CPEB3: variants seen among roughly 807,000 people sequenced by gnomAD.
CPEB3 encodes cytoplasmic polyadenylation element binding protein 3.
Under a neutral mutation model 67.2 loss-of-function variants are expected in CPEB3, and 20 were observed. That is an observed-to-expected ratio of 0.30 (90% CI 0.21 to 0.43). The LOEUF is 0.43. CPEB3 is among the 20% of genes least tolerant of loss of function. The pLI is 1.00. For synonymous variants in CPEB3, 376 were observed against 393.1 expected (o/e 0.96, Z 0.51); for missense variants, 746 against 968.6 (o/e 0.77, Z 3.05).
chr10:92,053,623 G>C (rs1467751357), intron 9 of CPEB3, among the ~76,000 whole-genome samples: 1 of 148,894 alleles, frequency 6.7e-6, no homozygotes, highest in Non-Finnish European at 1.5e-5. Context: ...CTCACTGCAA[G>C]CTCCGCCTCC....
chr10:92,178,207 G>A (rs1038223260), intron 4 of CPEB3, among the ~76,000 whole-genome samples: 9 of 150,110 alleles, frequency 6.0e-5, no homozygotes, highest in African/African-American at 2.2e-4. Context: ...CACCCGGGCT[G>A]GAGTGCAGTG....
chr10:92,203,988 A>G (rs923185443), intron 2 of CPEB3, among the ~76,000 whole-genome samples: 3 of 152,118 alleles, frequency 2.0e-5, no homozygotes, highest in Non-Finnish European at 4.4e-5. Context: ...ACCCACAAAC[A>G]GCATCTTCTC....
intron 2 of CPEB3, among the ~76,000 whole-genome samples, chr10:92,200,255 G>A (rs1470774834): frequency 6.6e-6 from 1 of 151,940 alleles, no homozygotes; most frequent in Non-Finnish European, 1.5e-5. Context: ...ATAAGATTAG[G>A]GCATACAGGC....
chr10:92,081,782 A>AT (rs1253668664), intron 8 of CPEB3, among the ~76,000 whole-genome samples: 2 of 152,214 alleles, frequency 1.3e-5, no homozygotes, highest in Non-Finnish European at 2.9e-5. Flanking sequence ...ATGAACTACC[A>AT]GTAATCCTGT....
chr10:92,121,582 G>T (rs1845389915), intron 6 of CPEB3, among the ~76,000 whole-genome samples: 1 of 150,826 alleles, frequency 6.6e-6, no homozygotes, highest in Admixed American at 6.6e-5. Context: ...TCTAAAAAGA[G>T]ATGTGTATTT....
intron 9 of CPEB3, among the ~76,000 whole-genome samples, chr10:92,053,790 C>T (rs1842009250): frequency 6.6e-6 from 1 of 152,190 alleles, no homozygotes. Context: ...ATCCACCCGC[C>T]TCGGCCTCCC....
intron 7 of CPEB3, among the ~76,000 whole-genome samples, chr10:92,107,972 C>T (rs974857069): frequency 6.6e-6 from 1 of 152,066 alleles, no homozygotes; most frequent in African/African-American, 2.4e-5. Context: ...TTAAAAAAAG[C>T]AAGTATGATC....
chr10:92,056,689 T>C (rs1188653902), intron 9 of CPEB3, among the ~76,000 whole-genome samples: 2 of 152,162 alleles, frequency 1.3e-5, no homozygotes, highest in African/African-American at 2.4e-5. Context: ...TGAGTCCTAG[T>C]GCTGAACTAG....
rs1324805038 is a variant in CPEB3, at chr10:92,239,946, G to T, written c.405C>A (p.Leu135=). 1.2e-6 allele frequency: 2 copies of T among 1,613,590 alleles called. No homozygotes were observed. The highest frequency in any genetic ancestry group is 1.7e-6 in the Non-Finnish European group (2 of 1,179,724). ...TGACATGGTGCGGGAAGTTCTGGAAGAGCATGGTCCCGTTGACTGGGGTGA... is the reference window on the plus strand; with the variant it reads ...TGACATGGTGCGGGAAGTTCTGGAATAGCATGGTCCCGTTGACTGGGGTGA... The part of the protein sequence containing the change: ...QGITPVNGTM[L]FQNFPHHVNP... Residue 135 remains leucine, a synonymous_variant, in exon 2 of 10, where the codon CTC becomes CTA. Transcript: ENST00000265997. This position sits in a 1 kb window ranked among gnomAD's most constrained non-coding sequence, Gnocchi z 6.0.
intron 4 of CPEB3, among the ~76,000 whole-genome samples, chr10:92,149,380 A>C (rs1223715408): frequency 6.6e-6 from 1 of 152,210 alleles, no homozygotes; most frequent in East Asian, 1.9e-4. Flanking sequence ...GAGAGGGTGG[A>C]TGAGGTGAGA....
chr10:92,211,379 C>G (rs985311912), intron 2 of CPEB3, among the ~76,000 whole-genome samples: 4 of 152,096 alleles, frequency 2.6e-5, no homozygotes, highest in South Asian at 4.2e-4. Context: ...AATGGAAGAT[C>G]ACAGATTTAT....
At chr10:92,076,211 A>C (rs1842926816) in intron 9 of CPEB3, 1 of 152,182 alleles carries the variant, frequency 6.6e-6, no homozygotes, top group Non-Finnish European at 1.5e-5. Context: ...AAGGTAATAA[A>C]GGTTGATGCT....
chr10:92,278,267 T>C (rs1202301134), intron 1 of CPEB3, among the ~76,000 whole-genome samples: 2 of 152,196 alleles, frequency 1.3e-5, no homozygotes, highest in African/African-American at 2.4e-5. Context: ...TCATTTTCTA[T>C]AAAGAAGTCA....
intron 7 of CPEB3, among the ~76,000 whole-genome samples, chr10:92,108,749 C>G (rs1187662229): frequency 1.3e-5 from 2 of 152,194 alleles, no homozygotes; most frequent in African/African-American, 4.8e-5. Flanking sequence ...AAAACACAAA[C>G]AGTGAAAGCT....
chr10:92,268,459 C>T (rs1853159815), intron 1 of CPEB3, among the ~76,000 whole-genome samples: 1 of 152,116 alleles, frequency 6.6e-6, no homozygotes, highest in Non-Finnish European at 1.5e-5. Flanking sequence ...AAGACTCCAT[C>T]TCTAGTAAAT....
At chr10:92,075,227 C>T (rs1489544143) in intron 9 of CPEB3, among the ~76,000 whole-genome samples, 3 of 152,278 alleles carry the variant, frequency 2.0e-5, no homozygotes, top group Non-Finnish European at 4.4e-5. Flanking sequence ...CCCCAAGAGC[C>T]TGGGCTACTT....
At position 92,199,895 on chromosome 10, in the gene CPEB3, CAGAGAGAG is replaced by C. The variant is rs34608647; in HGVS notation, c.1006-7267_1006-7260del. ...ACGAACCTATTTTTCTCCAAACACA[CAGAGAGAG>C]AGAGAGAGAGAGAGAGAGAGAATTA... On this transcript the variant is annotated intron_variant, in intron 2 of 9. Transcript: ENST00000265997. 5.4e-5 allele frequency among the ~76,000 whole-genome samples: 8 copies of C among 148,248 alleles called. No homozygotes were observed. The South Asian group carries it at 6.5e-4, about 12-fold the overall frequency.
At chr10:92,276,392 C>T (rs1841990804) in intron 1 of CPEB3, among the ~76,000 whole-genome samples, 1 of 151,410 alleles carries the variant, frequency 6.6e-6, no homozygotes, top group Non-Finnish European at 1.5e-5. Flanking sequence ...TATTCTCCTG[C>T]CTCAGCCTCC....
chr10:92,188,377 G>A (rs914672578), intron 3 of CPEB3, among the ~76,000 whole-genome samples: 4 of 128,436 alleles, frequency 3.1e-5, no homozygotes, highest in East Asian at 2.3e-4. Flanking sequence ...ACCTTATTCC[G>A]TTACAGCCAA....
Sources: allele counts gnomAD v4.1 joint callset (sites outside exome capture counted in the v4.1 genomes callset), GRCh38; gene constraint gnomAD v4.1.1; non-coding constraint Gnocchi (gnomAD v3.1); transcripts MANE v1.5; gene names NCBI Gene and HGNC (gene_info 2026-07-23, HGNC 2026-07-21).